POLR1A: variants seen among roughly 807,000 people sequenced by gnomAD.
POLR1A encodes RNA polymerase I subunit A.
Under a neutral mutation model 205.3 loss-of-function variants are expected in POLR1A, and 84 were observed. The ratio of observed to expected loss-of-function variants is 0.41; its 90% CI spans 0.34 to 0.49. The LOEUF (loss-of-function observed/expected upper bound fraction) is 0.49. Ranked by LOEUF, POLR1A falls within the 20% of genes least tolerant of loss-of-function variation. The probability of loss-of-function intolerance (pLI) is 0.22; values close to 1 mark genes in which losing one functional copy is unlikely to be tolerated. For missense variants in POLR1A, 1,645 were observed against 2,204.5 expected (o/e 0.75, Z 5.08); for synonymous variants, 799 against 863.7 (o/e 0.93, Z 1.31).
rs755691928 is a variant in POLR1A, at chr2:86,027,471, G to A, written c.5115C>T (p.Val1705=). 8.1e-6 allele frequency: 13 copies of A among 1,614,060 alleles called. No individual in the cohort carries two copies. Among genetic ancestry groups the A allele is most frequent in the Admixed American group, 5.0e-5 (3 of 60,000 alleles). ...SPSACLVVGK[V]VRGGTGLFEL... is the part of the protein sequence containing the mutation. ...CGAACAGGCCTGTCCCGCCCCTGAC[G>A]ACCTTCCCGACCACAAGGCAGGCAG... is the stretch of plus-strand genomic sequence containing the variant. The change falls in exon 34 of 34, where the codon GTC becomes GTT. Residue 1705 remains valine (V), a synonymous_variant. Coordinates refer to ENST00000263857, the MANE Select transcript of POLR1A (RefSeq NM_015425.6).
At chr2:86,071,965 AAAC>A (rs1469507210) in intron 12 of POLR1A, among the ~76,000 whole-genome samples, 1 of 152,224 alleles carries the variant, frequency 6.6e-6, no homozygotes, top group African/African-American at 2.4e-5. Context: ...AGGCAGGAGA[AAAC>A]AACAAATTAT....
intron 14 of POLR1A, among the ~76,000 whole-genome samples, chr2:86,058,397 C>T (rs1045050534): frequency 7.3e-6 from 1 of 137,224 alleles, no homozygotes; most frequent in Admixed American, 7.1e-5. Context: ...CCTCACCCAG[C>T]CTTTTTTTTT....
At chr2:86,074,996 G>T in intron 12 of POLR1A, 34 bp downstream of exon 12, 3 of 1,450,024 alleles carry the variant, frequency 2.1e-6, no homozygotes, top group East Asian at 2.4e-5. Context: ...AACAGGAGCC[G>T]GATGGGTCCC....
At position 86,044,265 on chromosome 2, in the gene POLR1A, A is replaced by G; in HGVS notation, c.3009T>C (p.Tyr1003=). Residue 1003 remains tyrosine, a synonymous_variant, in exon 22 of 34, where the codon TAT becomes TAC. Transcript: ENST00000263857. ...IKHLEGLVVQ[Y]DLTVRDSDGS... ...CGTCACTGTCACGGACCGTGAGATC[A>G]TACTGCACGACCAGCCCCTCTAGGT... is the stretch of plus-strand genomic sequence containing the variant. The G allele has an allele frequency of 1.2e-6, 2 of 1,614,170 alleles. No individual in the cohort carries two copies. The highest frequency in any genetic ancestry group is 1.7e-6 in the Non-Finnish European group (2 of 1,180,006).
intron 27 of POLR1A, among the ~76,000 whole-genome samples, chr2:86,036,567 GGCT>G (rs1380043287): frequency 1.3e-5 from 2 of 152,174 alleles, no homozygotes; most frequent in Admixed American, 6.5e-5. Context: ...CTTGGGGGTT[GGCT>G]GCTCTTTTGA....
rs1178800379 is a variant in POLR1A, at chr2:86,071,142, G to GAA, written c.1612-872_1612-871dup. Among the ~76,000 whole-genome samples, 10 of 99,010 alleles carry GAA rather than the reference G, an allele frequency of 1.0e-4. No homozygotes were observed. In the East Asian group the frequency reaches 2.6e-3, roughly 25 times the overall value. 65.0% of individuals were successfully genotyped at this position (99,010 alleles called of 152,430 possible). ...GATAGCAATAATGTATTACAGCAAA[G>GAA]AAAAAAAAAACCCAGGTGGCATGTG... On this transcript the variant is annotated intron_variant, in intron 12 of 33. Transcript: ENST00000263857.
Position 86,049,007 on chromosome 2 carries a change from T to G in POLR1A, c.2511A>C (p.Ala837=). 1 of 1,614,232 alleles carries G rather than the reference T, an allele frequency of 6.2e-7. No individual in the cohort carries two copies. Among genetic ancestry groups the G allele is most frequent in the East Asian group, 2.2e-5 (1 of 44,886 alleles). The part of the protein sequence containing the change: ...VRAALNLPEA[A]SYDEVRGKWQ... ...ATTTTCCTCGGACCTCATCATATGA[T>G]GCGGCTTCTGGCAGGTTTAATGCAG... Residue 837 remains alanine, a synonymous_variant, in exon 18 of 34, where the codon GCA becomes GCC. Transcript: ENST00000263857.
intron 14 of POLR1A, among the ~76,000 whole-genome samples, chr2:86,065,021 C>T (rs1010275175): frequency 2.6e-5 from 4 of 152,040 alleles, no homozygotes; most frequent in Admixed American, 6.6e-5. Flanking sequence ...GTGATCTGCC[C>T]GCCTCAGTCT....
chr2:86,064,183 GA>G (rs1476725743), intron 14 of POLR1A, among the ~76,000 whole-genome samples: 2 of 152,056 alleles, frequency 1.3e-5, no homozygotes, highest in African/African-American at 4.8e-5. Flanking sequence ...GCCAACAGGT[GA>G]AAAGGGCAAG....
In POLR1A at chr2:86,024,082, T is replaced by C. The variant is rs1690211055; in HGVS notation, c.*3341A>G. The C allele has an allele frequency of 6.5e-6, 1 of 153,568 alleles. No individual in the cohort carries two copies. Among genetic ancestry groups the C allele is most frequent in the Non-Finnish European group, 1.5e-5 (1 of 68,806 alleles). 9.5% of individuals were successfully genotyped at this position (153,568 alleles called of 1,614,324 possible). On this transcript the variant is annotated 3_prime_UTR_variant, in exon 34 of 34. Transcript: ENST00000263857. ...TGTATATCCATGTTCACAGCGTTAT[T>C]TGCAACAGCCAAGAGGTGGAGGCAA...
Position 86,044,204 on chromosome 2 carries a change from G to C in POLR1A, c.3070C>G (p.Leu1024Val), listed in dbSNP as rs779700428. ...VVQFLYGEDG[L>V]DIPKTQFLQP... ...AGGAACTGTGTCTTGGGGATGTCCA[G>C]GCCATCCTCCCCATACAGGAACTGC... The change falls in exon 22 of 34, where the codon CTG becomes GTG. Residue 1024 changes from leucine to valine, a missense_variant. Transcript: ENST00000263857. 1.2e-6 allele frequency: 2 copies of C among 1,614,172 alleles called. No homozygotes were observed. Among genetic ancestry groups the C allele is most frequent in the Non-Finnish European group, 1.7e-6 (2 of 1,180,022 alleles).
At chr2:86,083,775 A>G (rs1369331405) in intron 6 of POLR1A, among the ~76,000 whole-genome samples, 1 of 152,212 alleles carries the variant, frequency 6.6e-6, no homozygotes, top group Non-Finnish European at 1.5e-5. Flanking sequence ...TTATGGATAA[A>G]TAAGTATTTT....
intron 15 of POLR1A, among the ~76,000 whole-genome samples, chr2:86,053,868 T>C (rs1039368255): frequency 6.6e-6 from 1 of 152,366 alleles, no homozygotes; most frequent in Non-Finnish European, 1.5e-5. Context: ...AACAGGACTC[T>C]GCATTGCCAA....
At chr2:86,031,290 G>C (rs1482405065) in intron 30 of POLR1A, 40 bp downstream of exon 30, 1 of 1,512,990 alleles carries the variant, frequency 6.6e-7, no homozygotes, top group Non-Finnish European at 8.8e-7. Flanking sequence ...TGGCCAGCTG[G>C]ACCAACCACC....
chr2:86,073,218 A>T (rs1293940073), intron 12 of POLR1A, among the ~76,000 whole-genome samples: 2 of 151,098 alleles, frequency 1.3e-5, no homozygotes, highest in South Asian at 2.1e-4. Context: ...TAAAATAAAA[A>T]AAAAAAAAAT....
Position 86,089,875 on chromosome 2 carries a change from G to T in POLR1A, c.487C>A (p.Gln163Lys), listed in dbSNP as rs756055919. The T allele has an allele frequency of 1.5e-5, 24 of 1,613,076 alleles. No individual in the cohort carries two copies. The highest frequency in any genetic ancestry group is 2.2e-5 in the East Asian group (1 of 44,890). ...TTCTGCACAATTTCAGTTGTGTATT[G>T]TTCTAATTCCTCCCGAATTTCAGAG... is the stretch of plus-strand genomic sequence containing the variant. ...SASEIREELE[Q>K]YTTEIVQNNL... Residue 163 changes from glutamine (Q) to lysine (K), a missense_variant, in exon 4 of 34, where the codon CAA becomes AAA. Gln to Lys is a moderately conservative substitution (Grantham distance 53, BLOSUM62 1). Coordinates refer to ENST00000263857, the MANE Select transcript of POLR1A (RefSeq NM_015425.6).
At position 86,040,545 on chromosome 2, in the gene POLR1A, A is replaced by T; in HGVS notation, c.3587T>A (p.Leu1196Gln). ...CAGTGAGCGCTGCCACTTCAGCTGCAGCAAGGTCCTCAACCTAGAGACGGT... is the reference window on the plus strand; with the variant it reads ...CAGTGAGCGCTGCCACTTCAGCTGCTGCAAGGTCCTCAACCTAGAGACGGT... ...ELSLDRLRTL[L>Q]QLKWQRSLCE... The change falls in exon 25 of 34, where the codon CTG (leucine) becomes CAG (glutamine). Residue 1196 changes from leucine (L) to glutamine (Q), a missense_variant. By Grantham distance (113) the Leu-to-Gln change is moderately radical. Around this residue, in one of 16 missense-constraint regions of POLR1A, gnomAD observed 201 missense variants for 222.3 expected, o/e 0.90. Coordinates refer to ENST00000263857, the MANE Select transcript of POLR1A (RefSeq NM_015425.6). The T allele has an allele frequency of 6.3e-7, 1 of 1,585,876 alleles. No homozygotes were observed. The highest frequency in any genetic ancestry group is 8.6e-7 in the Non-Finnish European group (1 of 1,164,896).
chr2:86,031,936 G>A (rs1000287395), intron 29 of POLR1A, among the ~76,000 whole-genome samples: 1 of 152,228 alleles, frequency 6.6e-6, no homozygotes, highest in Non-Finnish European at 1.5e-5. Context: ...GCAGGAGACT[G>A]GTTTGTGGGA....
rs1043138246 is a variant in POLR1A at position 86,065,593 on chromosome 2, C to G, written c.1867-128G>C. 4.1e-6 allele frequency: 3 copies of G among 727,582 alleles called. No homozygotes were observed. The African/African-American group carries it at 5.4e-5, about 13-fold the overall frequency. The allele number at this position is 727,582 out of a possible 1,614,324, so 45.1% of individuals were successfully genotyped here. ...TCTTATATCCCTGTCTTGTCTTGCC[C>G]ACATCCTCACTATGTTCTTGCTTGG... is the stretch of plus-strand genomic sequence containing the variant. On this transcript the variant is annotated intron_variant, in intron 13 of 33. Coordinates refer to ENST00000263857, the MANE Select transcript of POLR1A (RefSeq NM_015425.6).
Sources: allele counts gnomAD v4.1 joint callset (sites outside exome capture counted in the v4.1 genomes callset), GRCh38; gene constraint gnomAD v4.1.1; regional missense constraint gnomAD v4.1.1; transcripts MANE v1.5; gene names NCBI Gene and HGNC (gene_info 2026-07-23, HGNC 2026-07-21).